MAGI2: variants seen among roughly 807,000 people sequenced by gnomAD.
MAGI2 encodes the protein membrane associated guanylate kinase, WW and PDZ domain containing 2.
A neutral mutation model predicts 133.3 loss-of-function variants in MAGI2; 35 were observed. That is an observed-to-expected ratio of 0.26 (90% confidence interval 0.20 to 0.35). The LOEUF (loss-of-function observed/expected upper bound fraction) is 0.35, where lower values mean the gene tolerates loss of function less well. MAGI2 is among the 10% of genes least tolerant of loss of function. The probability of loss-of-function intolerance (pLI) is 1.00; values close to 1 mark genes in which losing one functional copy is unlikely to be tolerated. For synonymous variants in MAGI2, 729 were observed against 710.6 expected (o/e 1.03, Z -0.41); for missense variants, 1,636 against 1,863.4 (o/e 0.88, Z 2.25).
intron 2 of MAGI2, among the ~76,000 whole-genome samples, chr7:78,995,995 T>G (rs1449940230): frequency 2.6e-5 from 4 of 152,140 alleles, no homozygotes; most frequent in African/African-American, 4.8e-5. Context: ...TGAGATAATA[T>G]CTGAAGAATA....
intron 1 of MAGI2, among the ~76,000 whole-genome samples, chr7:79,400,025 G>A (rs10261316): frequency 0.021 from 3,167 of 152,290 alleles, 96 homozygotes; most frequent in African/African-American, 0.074. Flanking sequence ...GGCTGTCAGA[G>A]AAAATAGAAA....
At chr7:78,105,360 G>A (rs1366677343) in intron 20 of MAGI2, among the ~76,000 whole-genome samples, 2 of 152,042 alleles carry the variant, frequency 1.3e-5, no homozygotes, top group Non-Finnish European at 2.9e-5. Flanking sequence ...ATTTTCTCAA[G>A]TATATCCCTG....
chr7:79,408,363 A>G (rs1845944442), intron 1 of MAGI2, among the ~76,000 whole-genome samples: 1 of 152,102 alleles, frequency 6.6e-6, no homozygotes. Flanking sequence ...AAATATAGGA[A>G]ACTAATATTG....
intron 1 of MAGI2, among the ~76,000 whole-genome samples, chr7:79,352,806 A>G (rs1267892607): frequency 1.3e-5 from 2 of 152,182 alleles, no homozygotes; most frequent in Non-Finnish European, 2.9e-5. Flanking sequence ...GCAAAGTATA[A>G]GCTATACCAA....
chr7:78,362,501 A>G (rs191828041), intron 7 of MAGI2, among the ~76,000 whole-genome samples: 6 of 152,230 alleles, frequency 3.9e-5, no homozygotes, highest in Non-Finnish European at 5.9e-5. Flanking sequence ...TGGAGCTAGG[A>G]GACCCCCTAA....
chr7:78,304,555 T>G (rs536096449), intron 9 of MAGI2, among the ~76,000 whole-genome samples: 1 of 152,326 alleles, frequency 6.6e-6, no homozygotes, highest in East Asian at 1.9e-4. Flanking sequence ...CAATATTTCT[T>G]GAATGTTCTA....
chr7:79,247,209 C>T (rs1407646016), intron 1 of MAGI2, among the ~76,000 whole-genome samples: 1 of 152,094 alleles, frequency 6.6e-6, no homozygotes, highest in Non-Finnish European at 1.5e-5. Flanking sequence ...TCTAAAGGTA[C>T]AAAATTCACT....
At chr7:79,234,963 T>C (rs1831747366) in intron 1 of MAGI2, among the ~76,000 whole-genome samples, 1 of 151,964 alleles carries the variant, frequency 6.6e-6, no homozygotes, top group African/African-American at 2.4e-5. Flanking sequence ...GATGTACAGA[T>C]GGGTTTTTGG....
At chr7:78,846,113 G>C (rs1792580578) in intron 2 of MAGI2, among the ~76,000 whole-genome samples, 1 of 151,704 alleles carries the variant, frequency 6.6e-6, no homozygotes, top group Non-Finnish European at 1.5e-5. Flanking sequence ...ATTTTGACAA[G>C]GTACCATGAT....
At chr7:79,263,541 C>T (rs1393287467) in intron 1 of MAGI2, among the ~76,000 whole-genome samples, 1 of 152,162 alleles carries the variant, frequency 6.6e-6, no homozygotes, top group African/African-American at 2.4e-5. Context: ...AAAATAACTC[C>T]CCCATCACCA....
At chr7:78,531,689 T>G (rs1234328405) in intron 3 of MAGI2, among the ~76,000 whole-genome samples, 1 of 152,200 alleles carries the variant, frequency 6.6e-6, no homozygotes, top group Non-Finnish European at 1.5e-5. Flanking sequence ...CAAAAATTGA[T>G]AAAGAAAACT....
At chr7:78,314,807 G>A (rs976723845) in intron 9 of MAGI2, among the ~76,000 whole-genome samples, 1 of 152,154 alleles carries the variant, frequency 6.6e-6, no homozygotes, top group Admixed American at 6.5e-5. Flanking sequence ...TTCATGAGAA[G>A]TTATAAAATT....
At chr7:78,073,454 C>G (rs191361782) in intron 21 of MAGI2, among the ~76,000 whole-genome samples, 1 of 152,074 alleles carries the variant, frequency 6.6e-6, no homozygotes, top group Non-Finnish European at 1.5e-5. Context: ...CTTCAGTGTT[C>G]TATTCATAAA....
intron 1 of MAGI2, among the ~76,000 whole-genome samples, chr7:79,144,292 T>G (rs1822410459): frequency 6.6e-6 from 1 of 152,200 alleles, no homozygotes; most frequent in Non-Finnish European, 1.5e-5. Flanking sequence ...AAATCTCACG[T>G]GGAATTGTAA....
In MAGI2 at chr7:78,194,930, C is replaced by T. The variant is rs145722885; in HGVS notation, c.2213G>A (p.Arg738Gln). Residue 738 changes from arginine (R) to glutamine (Q), a missense_variant, in exon 12 of 22, where the codon CGG (arginine) becomes CAG (glutamine). Arg to Gln is a conservative substitution (Grantham distance 43). Around this residue, in one of 5 missense-constraint regions of MAGI2, gnomAD observed 920 missense variants for 1,093.5 expected, o/e 0.84. Transcript: ENST00000354212. ...FPDSTEAFDP[R>Q]KPDPYELYEK... ...GTAGAGCTCATATGGATCAGGCTTC[C>T]GTGGGTCAAAGGCCTCTGTTGAGTC... 2.2e-3 allele frequency: 3,585 copies of T among 1,613,880 alleles called. 11 individuals are homozygous for T. Among genetic ancestry groups the T allele is most frequent in the Middle Eastern group, 0.011 (64 of 6,060 alleles).
At chr7:78,414,635 C>A (rs112306378) in intron 6 of MAGI2, among the ~76,000 whole-genome samples, 1 of 151,910 alleles carries the variant, frequency 6.6e-6, no homozygotes, top group African/African-American at 2.4e-5. Context: ...CATACATGAG[C>A]GTGCACATGT....
intron 2 of MAGI2, among the ~76,000 whole-genome samples, chr7:78,912,612 A>T (rs916969100): frequency 2.6e-5 from 4 of 151,792 alleles, no homozygotes; most frequent in Non-Finnish European, 5.9e-5. Context: ...ATTGGACTCC[A>T]AGTTCTTCAG....
intron 20 of MAGI2, among the ~76,000 whole-genome samples, chr7:78,083,998 C>T (rs568142740): frequency 1.4e-4 from 22 of 152,256 alleles, no homozygotes; most frequent in Middle Eastern, 6.8e-3. Context: ...TTTACTTTAG[C>T]CATGAGTCAT....
At chr7:78,310,157 C>T (rs757991787) in intron 9 of MAGI2, among the ~76,000 whole-genome samples, 7 of 152,084 alleles carry the variant, frequency 4.6e-5, no homozygotes, top group Non-Finnish European at 8.8e-5. Context: ...ACATTAGTGG[C>T]CAGGCGTGGT....
Sources: gnomAD v4.1 joint callset for allele counts (sites outside exome capture counted in the v4.1 genomes callset) on GRCh38, gnomAD v4.1.1 for gene constraint, gnomAD v4.1.1 regional missense constraint, MANE v1.5 for transcripts, NCBI Gene and HGNC (gene_info 2026-07-23, HGNC 2026-07-21) for gene names.